ZEB2: variants seen among roughly 807,000 people sequenced by gnomAD.
ZEB2 encodes the protein zinc finger E-box-binding homeobox 2.
A neutral mutation model predicts 99.9 loss-of-function variants in ZEB2; 6 were observed. The ratio of observed to expected loss-of-function variants is 0.06; its 90% CI spans 0.03 to 0.12. The LOEUF is 0.12. ZEB2 is among the 10% of genes least tolerant of loss of function. The pLI is 1.00. For synonymous variants in ZEB2, 517 were observed against 542.5 expected (o/e 0.95, Z 0.65); for missense variants, 969 against 1,502.8 (o/e 0.64, Z 5.87).
At chr2:144,493,955 G>A (rs921512200) in intron 2 of ZEB2, among the ~76,000 whole-genome samples, 2 of 151,666 alleles carry the variant, frequency 1.3e-5, no homozygotes, top group Non-Finnish European at 2.9e-5. Flanking sequence ...GATCGAGACC[G>A]TCCTGGCTAA....
intron 2 of ZEB2, among the ~76,000 whole-genome samples, chr2:144,488,691 G>GTGTC (rs1704633910): frequency 1.3e-5 from 2 of 151,802 alleles, no homozygotes; most frequent in Non-Finnish European, 2.9e-5. Flanking sequence ...GTGTGTGTGT[G>GTGTC]TGTGTGTGTG....
chr2:144,504,877 C>G (rs945530878), intron 2 of ZEB2, among the ~76,000 whole-genome samples: 1 of 152,124 alleles, frequency 6.6e-6, no homozygotes, highest in African/African-American at 2.4e-5. Context: ...ACTTTAATTA[C>G]CAGGGACTAC....
At chr2:144,395,338 C>T (rs1475880181) in intron 9 of ZEB2, among the ~76,000 whole-genome samples, 2 of 151,936 alleles carry the variant, frequency 1.3e-5, no homozygotes, top group Non-Finnish European at 2.9e-5. Flanking sequence ...TCTTTTGTGC[C>T]TCATCATCGC....
chr2:144,408,749 C>T (rs1703419229), intron 4 of ZEB2, among the ~76,000 whole-genome samples: 1 of 152,192 alleles, frequency 6.6e-6, no homozygotes, highest in African/African-American at 2.4e-5. Flanking sequence ...ACCCAAGGAG[C>T]TGCTGTGTTA....
chr2:144,477,582 A>G lies in ZEB2; in HGVS notation c.73+39696T>C, dbSNP rs180941229. On this transcript the variant is annotated intron_variant, in intron 2 of 9. Coordinates refer to ENST00000627532, the MANE Select transcript of ZEB2 (RefSeq NM_014795.4). Reference sequence around the variant, plus strand: ...AGCCAGTTACATTTAACTCTTACAAACCCTCTTTTTGTGTGTGTGGATAAA... The same window carrying G: ...AGCCAGTTACATTTAACTCTTACAAGCCCTCTTTTTGTGTGTGTGGATAAA... Among the ~76,000 whole-genome samples, 31 of 152,096 alleles carry G rather than the reference A, an allele frequency of 2.0e-4. No homozygotes were observed. The East Asian group carries it at 5.2e-3, about 26-fold the overall frequency.
chr2:144,411,735 A>G (rs1044054373), intron 4 of ZEB2, among the ~76,000 whole-genome samples: 2 of 152,208 alleles, frequency 1.3e-5, no homozygotes, highest in Non-Finnish European at 2.9e-5. Flanking sequence ...GGCTTTCTCC[A>G]GGGAACACAT....
chr2:144,469,967 T>C (rs1704332868), intron 2 of ZEB2, among the ~76,000 whole-genome samples: 2 of 152,192 alleles, frequency 1.3e-5, no homozygotes, highest in African/African-American at 4.8e-5. Context: ...GTGCATCAGA[T>C]ACAGAGACCA....
chr2:144,439,565 A>G (rs1389242887), intron 2 of ZEB2, among the ~76,000 whole-genome samples: 1 of 152,242 alleles, frequency 6.6e-6, no homozygotes, highest in Non-Finnish European at 1.5e-5. Flanking sequence ...GCTTTCTCCT[A>G]CGTGATTTTG....
chr2:144,445,364 G>A (rs1439318826), intron 2 of ZEB2, among the ~76,000 whole-genome samples: 1 of 150,118 alleles, frequency 6.7e-6, no homozygotes, highest in Non-Finnish European at 1.5e-5. Context: ...AGCACAGCGG[G>A]ATAATTGATG....
At chr2:144,464,498 A>G (rs936447912) in intron 2 of ZEB2, among the ~76,000 whole-genome samples, 1 of 152,232 alleles carries the variant, frequency 6.6e-6, no homozygotes, top group Non-Finnish European at 1.5e-5. Flanking sequence ...ATTATAGAAT[A>G]TTCTTTACCA....
At chr2:144,409,136 T>C (rs1035936544) in intron 4 of ZEB2, among the ~76,000 whole-genome samples, 11 of 152,158 alleles carry the variant, frequency 7.2e-5, no homozygotes, top group African/African-American at 2.7e-4. Flanking sequence ...AGTGGTTCGG[T>C]TGACCACCTT....
At chr2:144,423,345 C>T (rs1703645644) in intron 4 of ZEB2, among the ~76,000 whole-genome samples, 1 of 152,132 alleles carries the variant, frequency 6.6e-6, no homozygotes, top group South Asian at 2.1e-4. Context: ...TTTTTGATCC[C>T]ATGAGTTGGG....
intron 2 of ZEB2, among the ~76,000 whole-genome samples, chr2:144,471,983 A>G (rs1704363403): frequency 6.6e-6 from 1 of 152,146 alleles, no homozygotes; most frequent in Non-Finnish European, 1.5e-5. Context: ...TGAGATCTAA[A>G]TAAGTATGTA....
intron 2 of ZEB2, among the ~76,000 whole-genome samples, chr2:144,469,043 T>C (rs990730923): frequency 1.3e-5 from 2 of 152,132 alleles, no homozygotes; most frequent in Non-Finnish European, 2.9e-5. Flanking sequence ...TTTCTGACAC[T>C]AATCTGTAAG....
At chr2:144,409,914 T>G (rs1446415567) in intron 4 of ZEB2, among the ~76,000 whole-genome samples, 2 of 132,102 alleles carry the variant, frequency 1.5e-5, no homozygotes, top group Non-Finnish European at 3.3e-5. Context: ...AAAGTTGTTG[T>G]TTTTTTTTTT....
Position 144,389,574 on chromosome 2 carries a change from C to T in ZEB2, c.3522G>A (p.Thr1174=), listed in dbSNP as rs771782846. ...EEESENKSMD[T]DPETIRDEEE... ...CTTCATCTCGTATCGTTTCGGGATCCGTATCCATACTTTTATTTTCACTTT... is the reference window on the plus strand; with the variant it reads ...CTTCATCTCGTATCGTTTCGGGATCTGTATCCATACTTTTATTTTCACTTT... Residue 1174 remains threonine, a synonymous_variant, in exon 10 of 10, where the codon ACG becomes ACA. Coordinates refer to ENST00000627532, the MANE Select transcript of ZEB2 (RefSeq NM_014795.4). This position sits in a 1 kb window ranked among gnomAD's most constrained non-coding sequence, Gnocchi z 6.8. 5 of 1,614,056 alleles carry T rather than the reference C, an allele frequency of 3.1e-6. No homozygotes were observed. The highest frequency in any genetic ancestry group is 2.7e-5 in the African/African-American group (2 of 75,000).
At chr2:144,513,665 C>G in intron 2 of ZEB2, 1 of 1,534,898 alleles carries the variant, frequency 6.5e-7, no homozygotes, top group South Asian at 1.2e-5. Flanking sequence ...AGGAGGGAAG[C>G]AGGAGCATCC....
intron 2 of ZEB2, among the ~76,000 whole-genome samples, chr2:144,492,100 A>T (rs1038288290): frequency 6.6e-6 from 1 of 152,226 alleles, no homozygotes; most frequent in African/African-American, 2.4e-5. Context: ...ATACCCAAGC[A>T]CAGAATGATA....
At chr2:144,460,138 G>C (rs1475301536) in intron 2 of ZEB2, among the ~76,000 whole-genome samples, 1 of 152,176 alleles carries the variant, frequency 6.6e-6, no homozygotes, top group African/African-American at 2.4e-5. Context: ...CTTTGTTTTT[G>C]TTGTGGTGCT....
Sources: allele counts gnomAD v4.1 joint callset (sites outside exome capture counted in the v4.1 genomes callset), GRCh38; gene constraint gnomAD v4.1.1; non-coding constraint Gnocchi (gnomAD v3.1); transcripts MANE v1.5; gene names NCBI Gene and HGNC (gene_info 2026-07-23, HGNC 2026-07-21).